The following KIAA1549L variants were observed in gnomAD, a reference collection of about 807,000 sequenced individuals.
KIAA1549L encodes the protein KIAA1549 like, also known as UPF0606 protein KIAA1549L.
KIAA1549L carries 88 observed loss-of-function variants against 160.7 expected under a neutral mutation model. That is an observed-to-expected ratio of 0.55 (90% CI 0.46 to 0.65). KIAA1549L has a LOEUF of 0.65. Ranked by LOEUF, KIAA1549L falls within the 30% of genes least tolerant of loss-of-function variation. KIAA1549L has a pLI of 0.00. For synonymous variants in KIAA1549L, 950 were observed against 976.7 expected (o/e 0.97, Z 0.51); for missense variants, 2,258 against 2,437.5 (o/e 0.93, Z 1.55).
At chr11:33,565,141 A>G (rs1855006033) in intron 8 of KIAA1549L, among the ~76,000 whole-genome samples, 1 of 151,818 alleles carries the variant, frequency 6.6e-6, no homozygotes, top group African/African-American at 2.4e-5. Context: ...TGGTTCTGTG[A>G]TTTCTGTGTC....
intron 1 of KIAA1549L, chr11:33,403,568 A>T (rs1850584572): frequency 6.6e-6 from 1 of 151,838 alleles, no homozygotes; most frequent in South Asian, 2.1e-4. Context: ...ATGGACAGAC[A>T]TGCAGACATG....
chr11:33,552,820 A>G (rs917687343), intron 6 of KIAA1549L, among the ~76,000 whole-genome samples: 1 of 152,218 alleles, frequency 6.6e-6, no homozygotes, highest in Non-Finnish European at 1.5e-5. Flanking sequence ...CCCATTTCAC[A>G]GAAGAGAGAA....
intron 1 of KIAA1549L, among the ~76,000 whole-genome samples, chr11:33,510,363 T>C (rs1794406906): frequency 6.6e-6 from 1 of 152,112 alleles, no homozygotes; most frequent in South Asian, 2.1e-4. Context: ...TTTTTCGTAC[T>C]TGTAGTAGAG....
At position 33,532,196 on chromosome 11, in the gene KIAA1549L, A is replaced by G. The variant is rs182258730; in HGVS notation, c.239-9606A>G. Among the ~76,000 whole-genome samples, 11 of 152,328 alleles carry G rather than the reference A, an allele frequency of 7.2e-5. No homozygotes were observed. The East Asian group carries it at 1.4e-3, about 19-fold the overall frequency. On this transcript the variant is annotated intron_variant, in intron 1 of 20. Coordinates refer to ENST00000658780, the MANE Select transcript of KIAA1549L (RefSeq NM_012194.3). ...AAAATGGAGATAATCTTGATTCTCT[A>G]TCTCACAGGTACTATGGAAGAACAA... is the stretch of plus-strand genomic sequence containing the variant.
intron 1 of KIAA1549L, among the ~76,000 whole-genome samples, chr11:33,495,541 GT>G (rs1278981779): frequency 2.0e-5 from 3 of 152,094 alleles, no homozygotes; most frequent in Non-Finnish European, 4.4e-5. Flanking sequence ...GGACATTTGG[GT>G]TGGTTCCAAG....
In KIAA1549L at chr11:33,420,223, AGTTTTTTTTTT is replaced by A. The variant is rs1326983192; in HGVS notation, c.238+43346_238+43356del. On this transcript the variant is annotated intron_variant, in intron 1 of 20. Coordinates refer to ENST00000658780, the MANE Select transcript of KIAA1549L (RefSeq NM_012194.3). ...TTAAGAATCTTGGTTTGTATCTCAA[AGTTTTTTTTTT>A]GTTTTTTTTTTTTTTTTGAGACAGG... 1.8e-4 allele frequency among the ~76,000 whole-genome samples: 23 copies of A among 129,392 alleles called. No individual in the cohort carries two copies. The East Asian group carries it at 5.1e-3, about 29-fold the overall frequency. 84.9% of individuals were successfully genotyped at this position (129,392 alleles called of 152,430 possible).
At chr11:33,422,165 G>A (rs1210085608) in intron 1 of KIAA1549L, among the ~76,000 whole-genome samples, 2 of 151,694 alleles carry the variant, frequency 1.3e-5, no homozygotes, top group Non-Finnish European at 1.5e-5. Context: ...TCCAAGATCC[G>A]GGTATACCTG....
intron 16 of KIAA1549L, among the ~76,000 whole-genome samples, chr11:33,637,788 C>A (rs925552296): frequency 6.6e-6 from 1 of 152,210 alleles, no homozygotes; most frequent in African/African-American, 2.4e-5. Flanking sequence ...GTCCTTTGGA[C>A]CCAAGGGTCC....
In KIAA1549L at chr11:33,574,762, C is replaced by G; in HGVS notation, c.4291C>G (p.Leu1431Val). Residue 1431 changes from leucine to valine, a missense_variant, in exon 10 of 21, where the codon CTG becomes GTG. Coordinates refer to ENST00000658780, the MANE Select transcript of KIAA1549L (RefSeq NM_012194.3). ...KDPAELTYYT[L>V]YNGKPLLGTA... ...CCCAGCGGAGCTGACTTACTATACC[C>G]TGTACAACGGGAAGCCTTTGTTGGG... 1 of 1,614,020 alleles carries G rather than the reference C, an allele frequency of 6.2e-7. No individual in the cohort carries two copies. Among genetic ancestry groups the G allele is most frequent in the Non-Finnish European group, 8.5e-7 (1 of 1,179,864 alleles).
chr11:33,466,370 C>T (rs533953641), intron 1 of KIAA1549L, among the ~76,000 whole-genome samples: 2 of 152,312 alleles, frequency 1.3e-5, no homozygotes, highest in South Asian at 2.1e-4. Flanking sequence ...TGAGAAAATG[C>T]TCATCATTAC....
intron 12 of KIAA1549L, among the ~76,000 whole-genome samples, chr11:33,597,458 G>T (rs909517597): frequency 6.6e-6 from 1 of 152,194 alleles, no homozygotes; most frequent in Non-Finnish European, 1.5e-5. Context: ...GAAGCTGCTC[G>T]CCTACTGATC....
intron 1 of KIAA1549L, among the ~76,000 whole-genome samples, chr11:33,405,839 C>CAAAAAAAAAAAAAAAAAAAAAAAAA (rs35479859): frequency 1.5e-5 from 1 of 68,880 alleles, no homozygotes. Flanking sequence ...CAGTCTGTCT[C>CAAAAAAAAAAAAAAAAAAAAAAAAA]AAAAAAAAAA....
At chr11:33,622,866 C>G (rs183421384) in intron 16 of KIAA1549L, among the ~76,000 whole-genome samples, 1 of 152,284 alleles carries the variant, frequency 6.6e-6, no homozygotes, top group African/African-American at 2.4e-5. Context: ...TCCACAACAG[C>G]CTGCTGAGGA....
intron 13 of KIAA1549L, among the ~76,000 whole-genome samples, chr11:33,603,499 C>G (rs915591644): frequency 6.6e-5 from 10 of 151,976 alleles, no homozygotes; most frequent in Non-Finnish European, 1.5e-5. Flanking sequence ...GGGAACAAGC[C>G]TGATGTGTTC....
chr11:33,607,963 G>T (rs1850551576), intron 14 of KIAA1549L, among the ~76,000 whole-genome samples: 1 of 152,134 alleles, frequency 6.6e-6, no homozygotes, highest in Admixed American at 6.6e-5. Flanking sequence ...AAGCTTGAGG[G>T]GTCCAGTGGC....
intron 1 of KIAA1549L, among the ~76,000 whole-genome samples, chr11:33,407,340 G>A (rs1850686720): frequency 6.7e-6 from 1 of 149,620 alleles, no homozygotes; most frequent in Admixed American, 6.7e-5. Context: ...CGCCTCGGCA[G>A]TCCTTTTTCT....
At chr11:33,547,375 C>T (rs1448956894) in intron 3 of KIAA1549L, among the ~76,000 whole-genome samples, 1 of 152,234 alleles carries the variant, frequency 6.6e-6, no homozygotes, top group African/African-American at 2.4e-5. Context: ...GGGATGGCAC[C>T]TTCCTGATCC....
rs1852706613 is a variant in KIAA1549L, at chr11:33,672,864, TAGCTC to T, written c.*4713_*4717del. 2 of 153,804 alleles carry T rather than the reference TAGCTC, an allele frequency of 1.3e-5. No individual in the cohort carries two copies. Among genetic ancestry groups the T allele is most frequent in the Admixed American group, 1.3e-4 (2 of 15,288 alleles). 9.5% of individuals were successfully genotyped at this position (153,804 alleles called of 1,614,324 possible). ...ACTTGTAAATTGAATTGCATGATCT[TAGCTC>T]AGGTGCTACTAATGTGGCTCACGGC... On this transcript the variant is annotated 3_prime_UTR_variant, in exon 21 of 21. Transcript: ENST00000658780.
intron 16 of KIAA1549L, among the ~76,000 whole-genome samples, chr11:33,641,614 ATATATATATATATATATATAC>A (rs2133395520): frequency 2.0e-5 from 1 of 49,046 alleles, no homozygotes; most frequent in South Asian, 5.2e-4. Context: ...ATATATATAT[ATATATATATATATATATATAC>A]ACAGTGGGTA....
Sources: gnomAD v4.1 joint callset for allele counts (sites outside exome capture counted in the v4.1 genomes callset) on GRCh38, gnomAD v4.1.1 for gene constraint, MANE v1.5 for transcripts, NCBI Gene and HGNC (gene_info 2026-07-23, HGNC 2026-07-21) for gene names.